PHEX: variants seen among roughly 807,000 people sequenced by gnomAD.
PHEX encodes phosphate-regulating neutral endopeptidase PHEX.
In PHEX, 16 loss-of-function variants were observed where a neutral mutation model predicts 68.0. The observed-to-expected ratio is 0.24, with a 90% CI of 0.16 to 0.36. The LOEUF is 0.36. Ranked by LOEUF, PHEX falls within the 10% of genes least tolerant of loss-of-function variation. The pLI is 1.00. For synonymous variants in PHEX, 208 were observed against 205.1 expected, an observed-to-expected ratio of 1.01 and a Z score of -0.12; for missense variants, 480 against 575.5, an observed-to-expected ratio of 0.83 and a Z score of 1.70.
At position 22,250,330 on chromosome X, in the gene PHEX, A is replaced by G. The variant is rs997561825; in HGVS notation, c.*2377A>G. The G allele has an allele frequency of 4.5e-5, 5 of 112,068 alleles. No homozygotes were observed. The highest frequency in any genetic ancestry group is 9.4e-5 in the Non-Finnish European group (5 of 53,210). The allele number at this position is 112,068 out of a possible 1,213,427, so 9.2% of individuals were successfully genotyped here. ...AAATGCAACTGGAAGGGAAAGAAAA[A>G]AGTAGGGAGAAGCTGGCCTATGGAT... On this transcript the variant is annotated 3_prime_UTR_variant, in exon 22 of 22. Transcript: ENST00000379374.
At position 22,227,552 on chromosome X, in the gene PHEX, C is replaced by T. The variant is rs1045800391; in HGVS notation, c.2011C>T (p.Pro671Ser). The change falls in exon 20 of 22, where the codon CCT becomes TCT. Residue 671 changes from proline to serine, a missense_variant. Pro to Ser is a moderately conservative substitution (Grantham distance 74). Transcript: ENST00000379374. Reference protein sequence around the residue: ...INDRRQGLEEPLLPGITFTNN... With the variant: ...INDRRQGLEESLLPGITFTNN... ...TGACAGAAGGCAGGGACTTGAGGAG[C>T]CTCTTCTACCAGGCATCACATTCAC... 1.7e-6 allele frequency: 2 copies of T among 1,208,915 alleles called. No individual in the cohort carries two copies. Among genetic ancestry groups the T allele is most frequent in the Non-Finnish European group, 1.1e-6 (1 of 892,942 alleles).
intron 9 of PHEX, among the ~76,000 whole-genome samples, chrX:22,105,157 T>C (rs1313820587): frequency 8.9e-6 from 1 of 111,832 alleles, no homozygotes; most frequent in Admixed American, 9.5e-5. Context: ...GGGGAGTTTG[T>C]CAGAAATGCA....
intron 3 of PHEX, among the ~76,000 whole-genome samples, chrX:22,075,114 T>G (rs1274386655): frequency 9.2e-6 from 1 of 109,006 alleles, no homozygotes; most frequent in African/African-American, 3.3e-5. Context: ...GTTATCTTGA[T>G]TTTATTATTA....
At chrX:22,128,101 C>G (rs1931815689) in intron 11 of PHEX, among the ~76,000 whole-genome samples, 1 of 111,827 alleles carries the variant, frequency 8.9e-6, no homozygotes, top group Non-Finnish European at 1.9e-5. Context: ...CTCTGTCGCC[C>G]AGGCTGGAGT....
In PHEX at chrX:22,223,257, C is replaced by T. The variant is rs6654108; in HGVS notation, c.1899+1514C>T. On this transcript the variant is annotated intron_variant, in intron 18 of 21. Transcript: ENST00000379374. ...CCTGAATCTTGCTTTGTAGTGACTT[C>T]GGGGGAGCTCAGATGGGGCACTACA... Among the ~76,000 whole-genome samples the T allele has an allele frequency of 2.3e-3, 253 of 111,269 alleles. 1 individual carries two copies. Among genetic ancestry groups the T allele is most frequent in the African/African-American group, 7.2e-3 (219 of 30,530 alleles).
chrX:22,143,053 T>C (rs1398579105), intron 12 of PHEX, among the ~76,000 whole-genome samples: 1 of 112,533 alleles, frequency 8.9e-6, no homozygotes, highest in Admixed American at 9.4e-5. Context: ...TGCTTCTTTC[T>C]GCCAGCTCTC....
intron 16 of PHEX, among the ~76,000 whole-genome samples, chrX:22,215,958 G>C (rs147231960): frequency 2.7e-3 from 307 of 111,866 alleles, no homozygotes; most frequent in African/African-American, 9.2e-3. Flanking sequence ...CAAGTGTTCA[G>C]TTAGAGGCTA....
intron 11 of PHEX, among the ~76,000 whole-genome samples, chrX:22,119,813 T>C (rs2147071478): frequency 9.1e-6 from 1 of 110,369 alleles, no homozygotes; most frequent in East Asian, 2.8e-4. Flanking sequence ...GCCAAGCTGG[T>C]CTTGAACTCC....
At chrX:22,202,064 T>C (rs963013224) in intron 15 of PHEX, among the ~76,000 whole-genome samples, 1 of 112,436 alleles carries the variant, frequency 8.9e-6, no homozygotes, top group African/African-American at 3.2e-5. Flanking sequence ...GTTAATATCA[T>C]TTAAAGATAG....
intron 11 of PHEX, among the ~76,000 whole-genome samples, chrX:22,118,536 C>G (rs140932353): frequency 9.1e-6 from 1 of 110,074 alleles, no homozygotes; most frequent in East Asian, 2.9e-4. Context: ...GTTAGGACCT[C>G]CAGGCTTTAT....
chrX:22,116,209 G>A (rs1266151584), intron 11 of PHEX, among the ~76,000 whole-genome samples: 1 of 111,633 alleles, frequency 9.0e-6, no homozygotes, highest in Non-Finnish European at 1.9e-5. Context: ...CTGATGATTA[G>A]TGATGAAAAC....
At chrX:22,243,894 A>G (rs904159078) in intron 20 of PHEX, among the ~76,000 whole-genome samples, 1 of 112,218 alleles carries the variant, frequency 8.9e-6, no homozygotes, top group African/African-American at 3.2e-5. Flanking sequence ...AGGATCTAGA[A>G]CCAGAAATAC....
intron 11 of PHEX, among the ~76,000 whole-genome samples, chrX:22,122,984 A>ATTTTTTTTTTTTTT (rs34894623): frequency 1.4e-5 from 1 of 72,290 alleles, no homozygotes; most frequent in Non-Finnish European, 2.5e-5. Context: ...TAGGGTCTGC[A>ATTTTTTTTTTTTTT]TTTTTTTTTT....
chrX:22,180,057 A>T (rs1295745030), intron 14 of PHEX, among the ~76,000 whole-genome samples: 2 of 106,182 alleles, frequency 1.9e-5, no homozygotes, highest in Non-Finnish European at 3.9e-5. Context: ...TGCCGAATAG[A>T]TCTTCTCTGT....
chrX:22,176,394 AAAAAAAAAATAT>A (rs1294910133), intron 13 of PHEX, among the ~76,000 whole-genome samples: 112 of 81,862 alleles, frequency 1.4e-3, no homozygotes, highest in African/African-American at 6.7e-3. Flanking sequence ...CAAAAAAAAA[AAAAAAAAAATAT>A]ATATATATAT....
chrX:22,042,616 G>A (rs1602248165), intron 2 of PHEX, among the ~76,000 whole-genome samples: 1 of 111,813 alleles, frequency 8.9e-6, no homozygotes. Flanking sequence ...GAAACTCCAT[G>A]TCTACTAAAA....
rs146332375 is a variant in PHEX, at chrX:22,067,330, A to G, written c.350-9058A>G. The stretch of plus-strand genomic sequence containing the variant: ...TGGCATAGTGCTAATATTTTTTTCC[A>G]CTCTTGAATCTGTGAATCAACCCTC... On this transcript the variant is annotated intron_variant, in intron 3 of 21. Coordinates refer to ENST00000379374, the MANE Select transcript of PHEX (RefSeq NM_000444.6). Among the ~76,000 whole-genome samples, 962 of 110,589 alleles carry G rather than the reference A, an allele frequency of 8.7e-3. 9 individuals carry two copies. Among genetic ancestry groups the G allele is most frequent in the African/African-American group, 0.03 (912 of 30,420 alleles).
At chrX:22,128,169 C>G (rs937719079) in intron 11 of PHEX, among the ~76,000 whole-genome samples, 1 of 110,189 alleles carries the variant, frequency 9.1e-6, no homozygotes, top group African/African-American at 3.3e-5. Context: ...AGCAATTATC[C>G]TGTCTCAGCC....
intron 10 of PHEX, among the ~76,000 whole-genome samples, chrX:22,113,609 GT>G (rs932717586): frequency 2.7e-5 from 3 of 111,451 alleles, no homozygotes; most frequent in Non-Finnish European, 5.6e-5. Flanking sequence ...TTATCAGTGT[GT>G]TTTTTGCTGT....
Sources: gnomAD v4.1 joint callset for allele counts (sites outside exome capture counted in the v4.1 genomes callset) on GRCh38, gnomAD v4.1.1 for gene constraint, MANE v1.5 for transcripts, NCBI Gene and HGNC (gene_info 2026-07-23, HGNC 2026-07-21) for gene names.